The following DNAH11 variants were observed in gnomAD, a reference collection of about 807,000 sequenced individuals.
DNAH11 encodes the protein axonemal beta dynein heavy chain 11.
A neutral mutation model predicts 526.0 loss-of-function variants in DNAH11; 442 were observed. That is an observed-to-expected ratio of 0.84 (90% CI 0.78 to 0.91). The LOEUF is 0.91. DNAH11 is among the 40% of genes least tolerant of loss of function. DNAH11 has a pLI of 0.00. For synonymous variants in DNAH11, 2,461 were observed against 1,935.9 expected, an observed-to-expected ratio of 1.27 and a Z score of -7.12; for missense variants, 6,989 against 5,448.7, an observed-to-expected ratio of 1.28 and a Z score of -8.90.
chr7:21,632,805 C>G (rs894787509), intron 25 of DNAH11, among the ~76,000 whole-genome samples: 6 of 152,190 alleles, frequency 3.9e-5, no homozygotes, highest in African/African-American at 1.4e-4. Flanking sequence ...CAACCTCTGC[C>G]TGTTACCCAG....
At position 21,599,841 on chromosome 7, in the gene DNAH11, G is replaced by A; in HGVS notation, c.2722G>A (p.Val908Ile). The A allele has an allele frequency of 6.3e-7, 1 of 1,598,682 alleles. No individual in the cohort carries two copies. The highest frequency in any genetic ancestry group is 8.5e-7 in the Non-Finnish European group (1 of 1,170,190). The change falls in exon 15 of 82, where the codon GTA (valine) becomes ATA (isoleucine). Residue 908 changes from valine (V) to isoleucine (I), a missense_variant. Val to Ile is a conservative substitution (Grantham distance 29). Transcript: ENST00000409508. ...NPSLDTWKIYVEFIDDIVVEG... is the reference protein window; with the variant it reads ...NPSLDTWKIYIEFIDDIVVEG... ...CTCTCTGGATACCTGGAAAATTTAT[G>A]TAGAATTCATTGACGACATTGTGGT...
rs1376225794 is a variant in DNAH11, at chr7:21,628,411, A to G, written c.4501-7460A>G. On this transcript the variant is annotated intron_variant, in intron 25 of 81. Coordinates refer to ENST00000409508, the MANE Select transcript of DNAH11 (RefSeq NM_001277115.2). ...TATCAAATTTTCCCCATTCAGTACA[A>G]TGTTAGCTGTGGATTTATTGTATAT... Among the ~76,000 whole-genome samples the G allele has an allele frequency of 2.6e-5, 4 of 152,246 alleles. No individual in the cohort carries two copies. The East Asian group carries it at 7.7e-4, about 29-fold the overall frequency.
chr7:21,800,629 C>CA (rs11410314), intron 61 of DNAH11, among the ~76,000 whole-genome samples: 2,712 of 151,600 alleles, frequency 0.018, 69 homozygotes, highest in African/African-American at 0.057. Context: ...ATACTCATTC[C>CA]AAAAAAAATG....
chr7:21,890,816 T>G (rs1428141005), intron 76 of DNAH11, among the ~76,000 whole-genome samples: 1 of 152,182 alleles, frequency 6.6e-6, no homozygotes, highest in Non-Finnish European at 1.5e-5. Context: ...TGGATACTGG[T>G]GGTGAAATAG....
chr7:21,626,022 G>A (rs115454125), intron 25 of DNAH11, among the ~76,000 whole-genome samples: 279 of 152,208 alleles, frequency 1.8e-3, no homozygotes, highest in African/African-American at 6.5e-3. Context: ...TCAAATCAGT[G>A]TAATTGGGAT....
At chr7:21,617,880 C>T in intron 23 of DNAH11, 103 bp downstream of exon 23, 1 of 1,221,500 alleles carries the variant, frequency 8.2e-7, no homozygotes, top group Non-Finnish European at 1.1e-6. Context: ...AAAGACCCCC[C>T]TCAGCATAGC....
intron 49 of DNAH11, 71 bp downstream of exon 49, chr7:21,742,237 T>C: frequency 6.6e-7 from 1 of 1,510,790 alleles, no homozygotes; most frequent in Non-Finnish European, 8.9e-7. Flanking sequence ...TAGCCCATTT[T>C]TTATGTCACT....
Position 21,749,812 on chromosome 7 carries a change from C to T in DNAH11, c.8797+11C>T. 6.2e-7 allele frequency: 1 copy of T among 1,613,198 alleles called. No individual in the cohort carries two copies. Among genetic ancestry groups the T allele is most frequent in the Non-Finnish European group, 8.5e-7 (1 of 1,179,542 alleles). On this transcript the variant is annotated intron_variant, in intron 53 of 81. Coordinates refer to ENST00000409508, the MANE Select transcript of DNAH11 (RefSeq NM_001277115.2). Reference sequence around the variant, plus strand: ...ACTTGCTGGCATCAGGTGATTAAACCAACACATTTCTTGAAAGATCTTCCC... The same window carrying T: ...ACTTGCTGGCATCAGGTGATTAAACTAACACATTTCTTGAAAGATCTTCCC...
At position 21,659,016 on chromosome 7, in the gene DNAH11, T is replaced by C. The variant is rs768153929; in HGVS notation, c.5313T>C (p.Asp1771=). 6 of 1,594,830 alleles carry C rather than the reference T, an allele frequency of 3.8e-6. No individual in the cohort carries two copies. In the South Asian group the frequency reaches 5.7e-5, roughly 15 times the overall value. Residue 1771 remains aspartate (D), a synonymous_variant, in exon 30 of 82, where the codon GAT becomes GAC. Coordinates refer to ENST00000409508, the MANE Select transcript of DNAH11 (RefSeq NM_001277115.2). ...AAGGCTACGAAACAGCCCTGAAGGA[T>C]TTCCATAAAAAACAGGTATTACATA... ...LEEGYETALK[D]FHKKQISQLN...
intron 65 of DNAH11, among the ~76,000 whole-genome samples, chr7:21,827,257 C>T (rs1790342327): frequency 6.6e-6 from 1 of 152,118 alleles, no homozygotes; most frequent in Non-Finnish European, 1.5e-5. Flanking sequence ...TTAAATAAAA[C>T]ATATTTTATA....
In DNAH11 at chr7:21,619,131, T is replaced by C; in HGVS notation, c.4286T>C (p.Leu1429Ser). The change falls in exon 24 of 82, where the codon TTG (leucine) becomes TCG (serine). Residue 1429 changes from leucine to serine, a missense_variant. By Grantham distance (145) the Leu-to-Ser change is moderately radical (BLOSUM62 -2). Transcript: ENST00000409508. The part of the protein sequence containing the change: ...VKFLINEATT[L>S]ADLLALRLHR... Reference sequence around the variant, plus strand: ...TTTTTAATAAATGAAGCCACAACTTTGGCAGATTTGTTAGCACTGCGGTTA... The same window carrying C: ...TTTTTAATAAATGAAGCCACAACTTCGGCAGATTTGTTAGCACTGCGGTTA... 1 of 1,613,704 alleles carries C rather than the reference T, an allele frequency of 6.2e-7. No individual in the cohort carries two copies. Among genetic ancestry groups the C allele is most frequent in the Non-Finnish European group, 8.5e-7 (1 of 1,179,716 alleles).
chr7:21,641,749 A>G (rs78681801), intron 28 of DNAH11, among the ~76,000 whole-genome samples: 31 of 152,286 alleles, frequency 2.0e-4, no homozygotes, highest in Admixed American at 4.6e-4. Context: ...ACAGAGTGCT[A>G]TCTTCTCCAT....
intron 20 of DNAH11, among the ~76,000 whole-genome samples, chr7:21,609,196 C>T (rs968886773): frequency 6.6e-5 from 10 of 151,874 alleles, no homozygotes; most frequent in Admixed American, 5.9e-4. Flanking sequence ...TCTTCCTTTC[C>T]TTTCCTTTTC....
chr7:21,669,577 T>C (rs190625416), intron 30 of DNAH11, among the ~76,000 whole-genome samples: 3 of 152,294 alleles, frequency 2.0e-5, no homozygotes, highest in African/African-American at 7.2e-5. Context: ...CAGAAAGTTA[T>C]AATTTTGATG....
chr7:21,892,776 C>G, intron 77 of DNAH11, 109 bp downstream of exon 77: 1 of 1,231,714 alleles, frequency 8.1e-7, no homozygotes, highest in Non-Finnish European at 1.1e-6. Flanking sequence ...AGGTTTTACT[C>G]ATACAACCAC....
intron 62 of DNAH11, among the ~76,000 whole-genome samples, 175 bp downstream of exon 62, chr7:21,801,450 A>G (rs970441916): frequency 2.6e-5 from 4 of 152,204 alleles, no homozygotes; most frequent in Non-Finnish European, 4.4e-5. Context: ...GTTCAAGTAC[A>G]TATCTTTTAA....
intron 9 of DNAH11, among the ~76,000 whole-genome samples, chr7:21,584,446 G>A (rs964209569): frequency 6.6e-6 from 1 of 152,138 alleles, no homozygotes; most frequent in Non-Finnish European, 1.5e-5. Context: ...GGGGCTAGGG[G>A]AGAGGTAGCA....
At chr7:21,616,186 T>C (rs1412480084) in intron 21 of DNAH11, 23 bp from the exon 22 acceptor site, 2 of 1,601,792 alleles carry the variant, frequency 1.2e-6, no homozygotes, top group African/African-American at 2.7e-5. Flanking sequence ...TGTTGACACT[T>C]TTATCTGCTT....
At chr7:21,796,012 A>G (rs2127991297) in intron 61 of DNAH11, among the ~76,000 whole-genome samples, 1 of 152,316 alleles carries the variant, frequency 6.6e-6, no homozygotes, top group South Asian at 2.1e-4. Context: ...AGTAGAGTAT[A>G]AATGTCAGTG....
Sources: allele counts gnomAD v4.1 joint callset (sites outside exome capture counted in the v4.1 genomes callset), GRCh38; gene constraint gnomAD v4.1.1; transcripts MANE v1.5; gene names NCBI Gene and HGNC (gene_info 2026-07-23, HGNC 2026-07-21).